The following ATP2A1 variants were observed in gnomAD, a reference collection of about 807,000 sequenced individuals.
ATP2A1 encodes the protein ATPase sarcoplasmic/endoplasmic reticulum Ca2+ transporting 1, also known as sarcoplasmic/endoplasmic reticulum calcium ATPase 1.
A neutral mutation model predicts 109.5 loss-of-function variants in ATP2A1; 83 were observed. The observed-to-expected ratio is 0.76, with a 90% CI of 0.63 to 0.91. The LOEUF is 0.91. ATP2A1 is among the 40% of genes least tolerant of loss of function. The pLI, the probability that ATP2A1 is intolerant of heterozygous loss-of-function variation, is 0.00. For missense variants in ATP2A1, 1,101 were observed against 1,341.0 expected (o/e 0.82, Z 2.80); for synonymous variants, 505 against 537.6 (o/e 0.94, Z 0.84).
Position 28,883,001 on chromosome 16 carries a change from A to G in ATP2A1, c.463+412A>G, listed in dbSNP as rs1963528299. On this transcript the variant is annotated intron_variant, in intron 5 of 22. Coordinates refer to ENST00000395503, the MANE Select transcript of ATP2A1 (RefSeq NM_004320.6). This position sits in a 1 kb window ranked among gnomAD's most constrained non-coding sequence, Gnocchi z 5.2. ...CCTTGAGGCCTCTCAAAGGGGAAGG[A>G]GCGAGGGCAGAAGGGAGGAGGGAGG... Among the ~76,000 whole-genome samples the G allele has an allele frequency of 6.6e-6, 1 of 152,184 alleles. No homozygotes were observed. The highest frequency in any genetic ancestry group is 2.1e-4 in the South Asian group (1 of 4,832).
At position 28,883,198 on chromosome 16, in the gene ATP2A1, A is replaced by G. The variant is rs1963535513; in HGVS notation, c.463+609A>G. ...AGATTACTGGGATTCTGCCCCCTTC[A>G]GCGGTTTTTATGTTTGCCCTGAGCA... On this transcript the variant is annotated intron_variant, in intron 5 of 22. Transcript: ENST00000395503. This position sits in a 1 kb window ranked among gnomAD's most constrained non-coding sequence, Gnocchi z 5.2. 6.6e-6 allele frequency among the ~76,000 whole-genome samples: 1 copy of G among 152,166 alleles called. No individual in the cohort carries two copies. Among genetic ancestry groups the G allele is most frequent in the Admixed American group, 6.6e-5 (1 of 15,266 alleles).
intron 2 of ATP2A1, 99 bp from the exon 3 acceptor site, chr16:28,879,402 T>C: frequency 5.1e-6 from 6 of 1,172,406 alleles, no homozygotes; most frequent in Non-Finnish European, 7.7e-6. Context: ...CCCACCACCC[T>C]AGAGCCTCCC....
chr16:28,898,398 C>G lies in ATP2A1; in HGVS notation c.1711C>G (p.Pro571Ala). The change falls in exon 14 of 23, where the codon CCG becomes GCG. Residue 571 changes from proline (P) to alanine (A), a missense_variant. Physicochemically the swap from Pro to Ala is conservative, Grantham distance 27. Transcript: ENST00000395503. This position sits in a 1 kb window ranked among gnomAD's most constrained non-coding sequence, Gnocchi z 4.0. ...GGCCCTGGCCACCCGGGACACCCCC[C>G]CGAAGCGAGAGGAAATGGTCCTGGA... ...CLALATRDTP[P>A]KREEMVLDDS... 1.2e-6 allele frequency: 2 copies of G among 1,614,202 alleles called. No individual in the cohort carries two copies. Among genetic ancestry groups the G allele is most frequent in the Non-Finnish European group, 1.7e-6 (2 of 1,180,044 alleles).
chr16:28,884,670 G>A lies in ATP2A1; in HGVS notation c.544+15G>A. 1 of 1,609,656 alleles carries A rather than the reference G, an allele frequency of 6.2e-7. No homozygotes were observed. The highest frequency in any genetic ancestry group is 8.5e-7 in the Non-Finnish European group (1 of 1,177,440). ...CATCCTGACAGGTCTGCTGGCCTGG[G>A]TGGGAAGATGCATGGGGGTGGGACG... On this transcript the variant is annotated intron_variant, in intron 6 of 22. Transcript: ENST00000395503.
intron 12 of ATP2A1, among the ~76,000 whole-genome samples, chr16:28,896,714 ATTTT>A (rs1165561318): frequency 9.3e-6 from 1 of 107,206 alleles, no homozygotes; most frequent in African/African-American, 3.6e-5. Context: ...CCTGGCCTTC[ATTTT>A]TTTTTTTTTT....
At position 28,888,777 on chromosome 16, in the gene ATP2A1, C is replaced by T. The variant is rs201035375; in HGVS notation, c.929-10C>T. On this transcript the variant is annotated splice_polypyrimidine_tract_variant and intron_variant, in intron 8 of 22. Transcript: ENST00000395503. Reference sequence around the variant, plus strand: ...GCAGGTTCCCTCACACCCTCCCTCCCTCCCCACAGGTCTTCCTGCAGTCAT... The same window carrying T: ...GCAGGTTCCCTCACACCCTCCCTCCTTCCCCACAGGTCTTCCTGCAGTCAT... The T allele has an allele frequency of 1.2e-6, 2 of 1,611,668 alleles. No individual in the cohort carries two copies. The highest frequency in any genetic ancestry group is 4.5e-5 in the East Asian group (2 of 44,756).
chr16:28,894,997 G>A, intron 12 of ATP2A1, 44 bp downstream of exon 12: 12 of 1,605,704 alleles, frequency 7.5e-6, no homozygotes, highest in Non-Finnish European at 1.0e-5. Flanking sequence ...TCCACTCTAT[G>A]CTGCATAGAC....
Position 28,903,383 on chromosome 16 carries a change from C to G in ATP2A1, c.2923C>G (p.Leu975Val). 2 of 1,614,056 alleles carry G rather than the reference C, an allele frequency of 1.2e-6. No individual in the cohort carries two copies. The highest frequency in any genetic ancestry group is 2.2e-5 in the South Asian group (2 of 91,082). Residue 975 changes from leucine (L) to valine (V), a missense_variant, in exon 21 of 23, where the codon CTG (leucine) becomes GTG (valine). Coordinates refer to ENST00000395503, the MANE Select transcript of ATP2A1 (RefSeq NM_004320.6). This position sits in a 1 kb window ranked among gnomAD's most constrained non-coding sequence, Gnocchi z 5.6. Reference sequence around the variant, plus strand: ...GTGGCTCATGGTCCTCAAGATCTCACTGCCAGTCATTGGGCTCGACGAAAT... The same window carrying G: ...GTGGCTCATGGTCCTCAAGATCTCAGTGCCAGTCATTGGGCTCGACGAAAT... ...TQWLMVLKIS[L>V]PVIGLDEILK...
chr16:28,892,462 C>A, intron 9 of ATP2A1: 1 of 218,120 alleles, frequency 4.6e-6, no homozygotes, highest in South Asian at 4.8e-5. Flanking sequence ...GGCTCCTGGG[C>A]GAGACCCACA....
rs1044278000 is a variant in ATP2A1 at position 28,880,075 on chromosome 16, T to G, written c.219+492T>G. ...GAAAGCGCGGCGGTGTGATGATGAC[T>G]CCAAGGAGCCCGGCGCCCGGTCAGG... is the stretch of plus-strand genomic sequence containing the variant. On this transcript the variant is annotated intron_variant, in intron 3 of 22. Coordinates refer to ENST00000395503, the MANE Select transcript of ATP2A1 (RefSeq NM_004320.6). The surrounding 1 kb of genome is among the most constrained non-coding windows in gnomAD (Gnocchi z 4.2). 3.0e-6 allele frequency: 3 copies of G among 999,538 alleles called. No homozygotes were observed. The highest frequency in any genetic ancestry group is 3.5e-5 in the African/African-American group (2 of 57,366). The allele number at this position is 999,538 out of a possible 1,614,324, so 61.9% of individuals were successfully genotyped here. A position where few individuals can be genotyped will look rare whatever the true frequency, so the allele number is the denominator to read the frequency against.
At position 28,898,327 on chromosome 16, in the gene ATP2A1, C is replaced by T. The variant is rs770770067; in HGVS notation, c.1640C>T (p.Ala547Val). 5 of 1,614,064 alleles carry T rather than the reference C, an allele frequency of 3.1e-6. No homozygotes were observed. The highest frequency in any genetic ancestry group is 1.3e-5 in the African/African-American group (1 of 74,928). Residue 547 changes from alanine (A) to valine (V), a missense_variant, in exon 14 of 23, where the codon GCG (alanine) becomes GTG (valine). By Grantham distance (64) the Ala-to-Val change is moderately conservative (BLOSUM62 0). Coordinates refer to ENST00000395503, the MANE Select transcript of ATP2A1 (RefSeq NM_004320.6). The surrounding 1 kb of genome is among the most constrained non-coding windows in gnomAD (Gnocchi z 4.0). ...LTGPVKEKIM[A>V]VIKEWGTGRD... ...GGGCCGGTGAAGGAAAAGATCATGG[C>T]GGTGATCAAGGAGTGGGGCACTGGC...
At chr16:28,899,672 A>C (rs1964016632) in intron 14 of ATP2A1, among the ~76,000 whole-genome samples, 1 of 105,090 alleles carries the variant, frequency 9.5e-6, no homozygotes, top group African/African-American at 3.8e-5. Context: ...AAAAAGACAC[A>C]ATTTGGGGCC....
chr16:28,894,796 T>C (rs201880918), intron 11 of ATP2A1, 26 bp from the exon 12 acceptor site: 51 of 1,609,944 alleles, frequency 3.2e-5, no homozygotes, highest in Non-Finnish European at 3.7e-5. Flanking sequence ...GGCACCGACT[T>C]CCTCTTCCTC....
chr16:28,879,009 C>A, intron 1 of ATP2A1, 90 bp from the exon 2 acceptor site: 4 of 1,564,116 alleles, frequency 2.6e-6, no homozygotes, highest in Non-Finnish European at 3.5e-6. Context: ...CTCAAGGTGG[C>A]CTGATTCTCT....
chr16:28,882,551 C>T lies in ATP2A1; in HGVS notation c.425C>T (p.Ala142Val). The T allele has an allele frequency of 6.2e-7, 1 of 1,614,228 alleles. No individual in the cohort carries two copies. The highest frequency in any genetic ancestry group is 8.5e-7 in the Non-Finnish European group (1 of 1,180,014). ...ADRKSVQRIK[A>V]RDIVPGDIVE... The stretch of plus-strand genomic sequence containing the variant: ...CGCAAGTCAGTGCAAAGGATCAAGG[C>T]TCGGGACATCGTCCCTGGGGACATC... Residue 142 changes from alanine to valine, a missense_variant, in exon 5 of 23, where the codon GCT (alanine) becomes GTT (valine). Coordinates refer to ENST00000395503, the MANE Select transcript of ATP2A1 (RefSeq NM_004320.6).
In ATP2A1 at chr16:28,902,563, C is replaced by T; in HGVS notation, c.2525-17C>T. ...TCTCCCCAGCCCTGACCCCCGACTCCCCTCTCTCCACCACAGGCTATGTGG... is the reference window on the plus strand; with the variant it reads ...TCTCCCCAGCCCTGACCCCCGACTCTCCTCTCTCCACCACAGGCTATGTGG... On this transcript the variant is annotated splice_polypyrimidine_tract_variant and intron_variant, in intron 17 of 22. Transcript: ENST00000395503. The surrounding 1 kb of genome is among the most constrained non-coding windows in gnomAD (Gnocchi z 4.8). 6.2e-7 allele frequency: 1 copy of T among 1,613,722 alleles called. No homozygotes were observed.
chr16:28,902,061 TC>T lies in ATP2A1; in HGVS notation c.2301del (p.Asn768ThrfsTer10). ...MKQFIRYLIS[S>X]NVGEVVCIFL... ...GCAGTTCATCCGCTACCTCATTTCC[TC>T]CAACGTGGGCGAGGTGGTCTGGTGA... On this transcript the variant is annotated frameshift_variant, in exon 16 of 23. Coordinates refer to ENST00000395503, the MANE Select transcript of ATP2A1 (RefSeq NM_004320.6). LOFTEE classifies it high-confidence loss of function. This position sits in a 1 kb window ranked among gnomAD's most constrained non-coding sequence, Gnocchi z 4.8. 6.2e-7 allele frequency: 1 copy of T among 1,614,228 alleles called. No homozygotes were observed. The highest frequency in any genetic ancestry group is 8.5e-7 in the Non-Finnish European group (1 of 1,180,036).
intron 22 of ATP2A1, 109 bp from the exon 23 acceptor site, chr16:28,904,071 G>C (rs1964175933): frequency 9.6e-7 from 1 of 1,040,586 alleles, no homozygotes; most frequent in Non-Finnish European, 1.5e-6. Flanking sequence ...AAACTGGCAG[G>C]GTGGTAAGCT....
At chr16:28,890,804 G>C (rs1228342880) in intron 9 of ATP2A1, among the ~76,000 whole-genome samples, 1 of 151,868 alleles carries the variant, frequency 6.6e-6, no homozygotes, top group Non-Finnish European at 1.5e-5. Context: ...TCCTTCCTCA[G>C]CCTCCTGAGT....
Sources: allele counts gnomAD v4.1 joint callset (sites outside exome capture counted in the v4.1 genomes callset), GRCh38; gene constraint gnomAD v4.1.1; non-coding constraint Gnocchi (gnomAD v3.1); transcripts MANE v1.5; gene names NCBI Gene and HGNC (gene_info 2026-07-23, HGNC 2026-07-21).